The following MYCT1 variants were observed in gnomAD, a reference collection of about 807,000 sequenced individuals.
MYCT1 encodes MYC target 1.
Under a neutral mutation model 15.0 loss-of-function variants are expected in MYCT1, and 12 were observed. That is an observed-to-expected ratio of 0.80 (90% CI 0.51 to 1.29). The LOEUF is 1.29. MYCT1 is among the 50% of genes most tolerant of loss of function. The probability of loss-of-function intolerance (pLI) is 0.00; values close to 1 mark genes in which losing one functional copy is unlikely to be tolerated. For synonymous variants in MYCT1, 104 were observed against 102.7 expected (o/e 1.01, Z -0.07); for missense variants, 287 against 279.1 (o/e 1.03, Z -0.20).
chr6:152,706,726 G>A (rs2099722337), intron 1 of MYCT1, among the ~76,000 whole-genome samples: 1 of 152,236 alleles, frequency 6.6e-6, no homozygotes, highest in East Asian at 1.9e-4. Context: ...TTAAAAGTTA[G>A]GGGTATTAAA....
chr6:152,706,122 G>A lies in MYCT1; in HGVS notation c.196+8024G>A, dbSNP rs953128887. 4.6e-6 allele frequency: 7 copies of A among 1,513,038 alleles called. No homozygotes were observed. The Admixed American group carries it at 5.1e-5, about 11-fold the overall frequency. The allele number at this position is 1,513,038 out of a possible 1,614,324, so 93.7% of individuals were successfully genotyped here. A position where few individuals can be genotyped will look rare whatever the true frequency, so the allele number is the denominator to read the frequency against. On this transcript the variant is annotated intron_variant, in intron 1 of 1. Coordinates refer to ENST00000367245, the MANE Select transcript of MYCT1 (RefSeq NM_025107.3). ...TGGGAGGTGGTATGAGAGGTGGCAT[G>A]TTCTAACTCCTAGAATAGTGCTTTA...
intron 1 of MYCT1, among the ~76,000 whole-genome samples, chr6:152,720,798 G>A (rs1193394573): frequency 6.6e-6 from 1 of 152,092 alleles, no homozygotes; most frequent in Non-Finnish European, 1.5e-5. Flanking sequence ...GGAAATGTGG[G>A]GGACCAACAG....
At chr6:152,715,683 C>T (rs1247694779) in intron 1 of MYCT1, among the ~76,000 whole-genome samples, 1 of 152,130 alleles carries the variant, frequency 6.6e-6, no homozygotes, top group African/African-American at 2.4e-5. Flanking sequence ...GTGGAGCAGC[C>T]AGGGTAGACC....
chr6:152,727,436 T>C (rs1346405264), downstream of MYCT1, among the ~76,000 whole-genome samples: 1 of 152,218 alleles, frequency 6.6e-6, no homozygotes, highest in South Asian at 2.1e-4. Context: ...TTTGTTGTGG[T>C]AAAATTCTGA....
the MYCT1 span, among the ~76,000 whole-genome samples, chr6:152,745,558 G>A: frequency 2.6e-5 from 4 of 152,188 alleles, no homozygotes; most frequent in African/African-American, 7.2e-5. Context: ...CATTTCAAAT[G>A]TTGTCTTTCA....
chr6:152,701,512 T>C (rs2099721306), intron 1 of MYCT1, among the ~76,000 whole-genome samples: 1 of 152,190 alleles, frequency 6.6e-6, no homozygotes, highest in Non-Finnish European at 1.5e-5. Flanking sequence ...AATCCAGTGA[T>C]TTATAATCTC....
intron 1 of MYCT1, among the ~76,000 whole-genome samples, chr6:152,702,082 C>A (rs2099721421): frequency 6.6e-6 from 1 of 152,138 alleles, no homozygotes; most frequent in South Asian, 2.1e-4. Context: ...CCTAATCAAT[C>A]TGTAGCTCAT....
the MYCT1 span, among the ~76,000 whole-genome samples, chr6:152,733,265 G>A: frequency 6.6e-6 from 1 of 151,796 alleles, no homozygotes; most frequent in Non-Finnish European, 1.5e-5. Context: ...CACCATGCCT[G>A]GCTAATTTTT....
chr6:152,726,132 C>G (rs1303694424), downstream of MYCT1, among the ~76,000 whole-genome samples: 1 of 152,192 alleles, frequency 6.6e-6, no homozygotes, highest in African/African-American at 2.4e-5. Context: ...CGCGGTGGCT[C>G]ACGCCTGTAA....
the MYCT1 span, among the ~76,000 whole-genome samples, chr6:152,736,981 A>G: frequency 6.6e-6 from 1 of 152,180 alleles, no homozygotes; most frequent in South Asian, 2.1e-4. Context: ...GAGCCTTCCA[A>G]ATGAAATTAC....
At chr6:152,737,444 C>T in the MYCT1 span, among the ~76,000 whole-genome samples, 2 of 152,012 alleles carry the variant, frequency 1.3e-5, no homozygotes, top group Admixed American at 1.3e-4. Flanking sequence ...GATTGGATAA[C>T]TTGCATAAGG....
chr6:152,708,620 A>G (rs967000940), intron 1 of MYCT1, among the ~76,000 whole-genome samples: 2 of 152,076 alleles, frequency 1.3e-5, no homozygotes, highest in African/African-American at 4.8e-5. Context: ...TATAAACTAT[A>G]CATTTCATAT....
downstream of MYCT1, among the ~76,000 whole-genome samples, chr6:152,727,121 G>T (rs373240313): frequency 6.6e-6 from 1 of 150,990 alleles, no homozygotes; most frequent in South Asian, 2.1e-4. Context: ...TGAGGCAGGA[G>T]AATCGCTTGA....
At chr6:152,743,689 G>C in the MYCT1 span, among the ~76,000 whole-genome samples, 2 of 152,258 alleles carry the variant, frequency 1.3e-5, no homozygotes, top group African/African-American at 4.8e-5. Flanking sequence ...AAGGTGAAAG[G>C]TCCAGATCTC....
At chr6:152,703,248 T>C (rs2099721646) in intron 1 of MYCT1, among the ~76,000 whole-genome samples, 1 of 152,234 alleles carries the variant, frequency 6.6e-6, no homozygotes, top group Non-Finnish European at 1.5e-5. Context: ...TTAACAATGG[T>C]GAACTACTCA....
intron 1 of MYCT1, among the ~76,000 whole-genome samples, chr6:152,699,737 A>G (rs1262577945): frequency 6.6e-6 from 1 of 152,154 alleles, no homozygotes; most frequent in Non-Finnish European, 1.5e-5. Context: ...ATTAAATTTC[A>G]GGTTTACTTA....
chr6:152,745,131 G>A, the MYCT1 span, among the ~76,000 whole-genome samples: 3 of 152,040 alleles, frequency 2.0e-5, no homozygotes, highest in Admixed American at 1.3e-4. Flanking sequence ...ACCAAGCTTC[G>A]GTCCCAGGGC....
At position 152,722,016 on chromosome 6, in the gene MYCT1, A is replaced by C; in HGVS notation, c.471A>C (p.Pro157=). The change falls in exon 2 of 2, where the codon CCA becomes CCC. Residue 157 remains proline, a synonymous_variant. Coordinates refer to ENST00000367245, the MANE Select transcript of MYCT1 (RefSeq NM_025107.3). ...CCCTGGAACAAGCAAATTCCTTTCC[A>C]AGAAAATCAAGTTTCAGAGCTTCTA... The part of the protein sequence containing the change: ...QASLEQANSF[P]RKSSFRASTF... 1 of 1,614,186 alleles carries C rather than the reference A, an allele frequency of 6.2e-7. No homozygotes were observed. Among genetic ancestry groups the C allele is most frequent in the Non-Finnish European group, 8.5e-7 (1 of 1,180,030 alleles).
the MYCT1 span, among the ~76,000 whole-genome samples, chr6:152,731,083 A>G: frequency 6.6e-6 from 1 of 152,168 alleles, no homozygotes; most frequent in African/African-American, 2.4e-5. Flanking sequence ...TGAGACACAC[A>G]CACATACACA....
Sources: gnomAD v4.1 joint callset for allele counts (sites outside exome capture counted in the v4.1 genomes callset) on GRCh38, gnomAD v4.1.1 for gene constraint, MANE v1.5 for transcripts, NCBI Gene and HGNC (gene_info 2026-07-23, HGNC 2026-07-21) for gene names.